Variants in SLC25A10 observed in about 807,000 individuals in gnomAD.
The protein encoded by SLC25A10 is solute carrier family 25 member 10.
SLC25A10 carries 32 observed loss-of-function variants against 40.4 expected under a neutral mutation model. That is an observed-to-expected ratio of 0.79 (90% confidence interval 0.60 to 1.06). SLC25A10 has a LOEUF of 1.06. Among genes scored for constraint, SLC25A10 ranks in the 50% least tolerant of loss-of-function variants. SLC25A10 has a pLI of 0.00. For missense variants in SLC25A10, 394 were observed against 402.6 expected (o/e 0.98, Z 0.18); for synonymous variants, 181 against 171.1 (o/e 1.06, Z -0.45).
intron 5 of SLC25A10, among the ~76,000 whole-genome samples, chr17:81,716,454 AGCCACTTCCCCC>A (rs2037487621): frequency 6.6e-6 from 1 of 152,022 alleles, no homozygotes; most frequent in Non-Finnish European, 1.5e-5. Flanking sequence ...CTGCAGTGTG[AGCCACTTCCCCC>A]GCCCCTTCCA....
intron 8 of SLC25A10, 74 bp from the exon 9 acceptor site, chr17:81,717,710 C>T (rs1472463155): frequency 2.6e-6 from 4 of 1,533,604 alleles, no homozygotes; most frequent in Non-Finnish European, 3.5e-6. Context: ...GGTGGAGGTT[C>T]TGGCACGTGG....
intron 6 of SLC25A10, 47 bp from the exon 7 acceptor site, chr17:81,716,955 G>GGCCTCACCCCTT (rs749908120): frequency 9.4e-6 from 15 of 1,588,382 alleles, no homozygotes; most frequent in East Asian, 6.7e-5. Flanking sequence ...CCAGGTGCCT[G>GGCCTCACCCCTT]GCCTCACCCC....
At position 81,715,613 on chromosome 17, in the gene SLC25A10, G is replaced by C. The variant is rs774738172; in HGVS notation, c.328+21G>C. 2.5e-6 allele frequency: 4 copies of C among 1,611,936 alleles called. No homozygotes were observed. The African/African-American group carries it at 5.3e-5, about 22-fold the overall frequency. On this transcript the variant is annotated intron_variant, in intron 3 of 10. Coordinates refer to ENST00000350690, the MANE Select transcript of SLC25A10 (RefSeq NM_012140.5). ...CAGCGGTGAGCTGCCGGGCGGGAGG[G>C]GGAGGGGCGCGGGGTGGTCAGGTCG...
intron 4 of SLC25A10, 52 bp downstream of exon 4, chr17:81,715,793 A>T: frequency 6.2e-7 from 1 of 1,607,088 alleles, no homozygotes; most frequent in African/African-American, 1.3e-5. Context: ...TTGTCCCCAG[A>T]CATGCCAGGG....
intron 1 of SLC25A10, chr17:81,713,373 T>C (rs1470549040): frequency 7.0e-6 from 6 of 855,556 alleles, no homozygotes; most frequent in Non-Finnish European, 7.0e-6. Context: ...TGAACCTGGC[T>C]GTGGTCACTG....
rs1019527260 is a variant in SLC25A10, at chr17:81,720,618, C to T, written c.*541C>T. On this transcript the variant is annotated 3_prime_UTR_variant, in exon 11 of 11. Coordinates refer to ENST00000350690, the MANE Select transcript of SLC25A10 (RefSeq NM_012140.5). The stretch of plus-strand genomic sequence containing the variant: ...GCAGCTGGGTGGGATGAACAAGCAA[C>T]GCAGACCACAAGCGAGTGCCTGGGA... 2.0e-5 allele frequency: 19 copies of T among 971,168 alleles called. 1 individual carries two copies. Among genetic ancestry groups the T allele is most frequent in the South Asian group, 1.4e-4 (3 of 21,448 alleles). The allele number at this position is 971,168 out of a possible 1,614,324, so 60.2% of individuals were successfully genotyped here.
chr17:81,713,129 C>A (rs2037414982), intron 1 of SLC25A10: 1 of 152,160 alleles, frequency 6.6e-6, no homozygotes. Context: ...GCCAGGAGAC[C>A]CTGCACGCGT....
Position 81,720,832 on chromosome 17 carries a change from T to G in SLC25A10, c.*755T>G. 9.2e-6 allele frequency: 2 copies of G among 218,432 alleles called. No individual in the cohort carries two copies. The highest frequency in any genetic ancestry group is 1.8e-5 in the Non-Finnish European group (2 of 111,130). 13.5% of individuals were successfully genotyped at this position (218,432 alleles called of 1,614,324 possible). A position where few individuals can be genotyped will look rare whatever the true frequency, so the allele number is the denominator to read the frequency against. On this transcript the variant is annotated 3_prime_UTR_variant, in exon 11 of 11. Coordinates refer to ENST00000350690, the MANE Select transcript of SLC25A10 (RefSeq NM_012140.5). The stretch of plus-strand genomic sequence containing the variant: ...CCCTCGGGCACCTGGGCCCCCCCGC[T>G]TGGCTCCCTGGGGGAATGGCCCAGG...
chr17:81,714,830 G>C (rs756289708), intron 1 of SLC25A10, 123 bp from the exon 2 acceptor site: 6 of 1,329,984 alleles, frequency 4.5e-6, no homozygotes, highest in Non-Finnish European at 6.2e-6. Context: ...CGGGTGTGGA[G>C]TCCCCGGGCA....
chr17:81,716,051 G>A lies in SLC25A10; in HGVS notation c.419+1G>A, dbSNP rs1432894427. ...AGCTGCCCCAGGGTCAGCGGCGCAAGTGAGTCATGGGCGGCCTTCTCGGGG... is the reference window on the plus strand; with the variant it reads ...AGCTGCCCCAGGGTCAGCGGCGCAAATGAGTCATGGGCGGCCTTCTCGGGG... On this transcript the variant is annotated splice_donor_variant, in intron 5 of 10. Transcript: ENST00000350690. LOFTEE classifies it high-confidence loss of function. 2.5e-6 allele frequency: 4 copies of A among 1,597,888 alleles called. No individual in the cohort carries two copies. Among genetic ancestry groups the A allele is most frequent in the Non-Finnish European group, 2.6e-6 (3 of 1,172,414 alleles).
In SLC25A10 at chr17:81,717,431, C is replaced by T; in HGVS notation, c.567C>T (p.Val189=). ...GCTACGACCAGGCCAAGCAGCTGGT[C>T]CTTAGCACCGGGTACCTCTCTGACA... The part of the protein sequence containing the change: ...LSCYDQAKQL[V]LSTGYLSDNI... Residue 189 remains valine, a synonymous_variant, in exon 8 of 11, where the codon GTC becomes GTT. Transcript: ENST00000350690. 2 of 1,613,638 alleles carry T rather than the reference C, an allele frequency of 1.2e-6. No homozygotes were observed. Among genetic ancestry groups the T allele is most frequent in the East Asian group, 2.2e-5 (1 of 44,886 alleles).
chr17:81,715,758 C>T lies in SLC25A10; in HGVS notation c.377+17C>T. On this transcript the variant is annotated intron_variant, in intron 4 of 10. Coordinates refer to ENST00000350690, the MANE Select transcript of SLC25A10 (RefSeq NM_012140.5). Reference sequence around the variant, plus strand: ...CAACGTCAGGTTGGTGTTCCCCCACCCCACCTGCAAGGCCAGGGGCTTTCT... The same window carrying T: ...CAACGTCAGGTTGGTGTTCCCCCACTCCACCTGCAAGGCCAGGGGCTTTCT... 1.2e-6 allele frequency: 2 copies of T among 1,613,022 alleles called. No individual in the cohort carries two copies. The highest frequency in any genetic ancestry group is 8.5e-7 in the Non-Finnish European group (1 of 1,179,802).
Position 81,712,418 on chromosome 17 carries a change from TC to T in SLC25A10, c.-7del. On this transcript the variant is annotated 5_prime_UTR_variant, in exon 1 of 11. Coordinates refer to ENST00000350690, the MANE Select transcript of SLC25A10 (RefSeq NM_012140.5). The stretch of plus-strand genomic sequence containing the variant: ...TTGTGGTCGGGCCGGGATTGGGCTC[TC>T]CTGGGCCATGGCAGCCGAGGCGCGC... The T allele has an allele frequency of 1.5e-6, 2 of 1,298,206 alleles. No individual in the cohort carries two copies. Among genetic ancestry groups the T allele is most frequent in the Non-Finnish European group, 9.8e-7 (1 of 1,024,558 alleles). The allele number at this position is 1,298,206 out of a possible 1,614,324, so 80.4% of individuals were successfully genotyped here. A position where few individuals can be genotyped will look rare whatever the true frequency, so the allele number is the denominator to read the frequency against.
rs868546459 is a variant in SLC25A10, at chr17:81,712,359, G to A, written c.-68G>A. 5.9e-5 allele frequency: 62 copies of A among 1,056,750 alleles called. No individual in the cohort carries two copies. The Middle Eastern group carries it at 1.1e-3, about 18-fold the overall frequency. 65.5% of individuals were successfully genotyped at this position (1,056,750 alleles called of 1,614,324 possible). On this transcript the variant is annotated 5_prime_UTR_variant, in exon 1 of 11. Coordinates refer to ENST00000350690, the MANE Select transcript of SLC25A10 (RefSeq NM_012140.5). ...CGGGGCGCGGGGCGCGGGGCGCTGC[G>A]GCCGGTACACGCCGGGGTAGGGCCG...
intron 4 of SLC25A10, 61 bp downstream of exon 4, chr17:81,715,802 G>A (rs770774919): frequency 6.3e-7 from 1 of 1,597,620 alleles, no homozygotes; most frequent in Non-Finnish European, 8.6e-7. Context: ...GACATGCCAG[G>A]GCCTGCCAGG....
intron 1 of SLC25A10, among the ~76,000 whole-genome samples, chr17:81,713,857 C>T (rs1276260437): frequency 2.0e-5 from 3 of 152,248 alleles, no homozygotes; most frequent in Non-Finnish European, 4.4e-5. Context: ...GGCGGGACTG[C>T]CCTCTGGCCT....
At chr17:81,713,259 C>G (rs1460309704) in intron 1 of SLC25A10, 1 of 155,984 alleles carries the variant, frequency 6.4e-6, no homozygotes. Context: ...CCTTGTTTCC[C>G]AGGGACAGCC....
At chr17:81,715,110 G>A (rs1388785655) in intron 2 of SLC25A10, 38 bp downstream of exon 2, 1 of 1,601,680 alleles carries the variant, frequency 6.2e-7, no homozygotes, top group Non-Finnish European at 8.5e-7. Flanking sequence ...CCCAGACTGG[G>A]GCTGAGTCCT....
In SLC25A10 at chr17:81,717,929, T is replaced by A. The variant is rs568728232; in HGVS notation, c.705+68T>A. ...CGAGTCCCCTCACCTCTCCGGGGGG[T>A]GGACACTCGCACTGGGGACCCGGGG... is the stretch of plus-strand genomic sequence containing the variant. On this transcript the variant is annotated intron_variant, in intron 9 of 10. Coordinates refer to ENST00000350690, the MANE Select transcript of SLC25A10 (RefSeq NM_012140.5). The A allele has an allele frequency of 1.1e-4, 131 of 1,230,752 alleles. No individual in the cohort carries two copies. In the African/African-American group the frequency reaches 1.8e-3, roughly 17 times the overall value. The allele number at this position is 1,230,752 out of a possible 1,614,324, so 76.2% of individuals were successfully genotyped here.
Sources: allele counts gnomAD v4.1 joint callset (sites outside exome capture counted in the v4.1 genomes callset), GRCh38; gene constraint gnomAD v4.1.1; transcripts MANE v1.5; gene names NCBI Gene and HGNC (gene_info 2026-07-23, HGNC 2026-07-21).